TXLNB: variants seen among roughly 807,000 people sequenced by gnomAD.
The protein encoded by TXLNB is beta-taxilin.
A neutral mutation model predicts 57.4 loss-of-function variants in TXLNB; 37 were observed. The observed-to-expected ratio is 0.64, with a 90% CI of 0.50 to 0.85. The LOEUF is 0.85. Ranked by LOEUF, TXLNB falls within the 40% of genes least tolerant of loss-of-function variation. TXLNB has a pLI of 0.00. For synonymous variants in TXLNB, 302 were observed against 309.6 expected, an observed-to-expected ratio of 0.98 and a Z score of 0.26; for missense variants, 848 against 825.6, an observed-to-expected ratio of 1.03 and a Z score of -0.33.
chr6:139,228,659 C>T, the TXLNB span, among the ~76,000 whole-genome samples: 2 of 152,060 alleles, frequency 1.3e-5, no homozygotes, highest in African/African-American at 2.4e-5. Flanking sequence ...TTGATTCTAC[C>T]TGCAGGTGAT....
chr6:139,276,039 T>A lies in TXLNB; in HGVS notation c.516+791A>T, dbSNP rs546339330. Reference sequence around the variant, plus strand: ...AAACTACCTTTTATTTGCAACTACATGATTTCATGCAATTCTTCTAAACAA... The same window carrying A: ...AAACTACCTTTTATTTGCAACTACAAGATTTCATGCAATTCTTCTAAACAA... On this transcript the variant is annotated intron_variant, in intron 3 of 9. Transcript: ENST00000358430. 1.1e-4 allele frequency among the ~76,000 whole-genome samples: 17 copies of A among 152,364 alleles called. No homozygotes were observed. In the South Asian group the frequency reaches 3.3e-3, roughly 30 times the overall value.
intron 1 of TXLNB, 43 bp from the exon 2 acceptor site, chr6:139,288,956 G>C (rs1049079109): frequency 7.1e-7 from 1 of 1,411,562 alleles, no homozygotes; most frequent in African/African-American, 1.4e-5. Flanking sequence ...TAACCTACTT[G>C]CTACATATCA....
chr6:139,271,235 G>C (rs1308794244), intron 3 of TXLNB: 1 of 152,558 alleles, frequency 6.6e-6, no homozygotes, highest in Non-Finnish European at 1.5e-5. Flanking sequence ...CAAAGCATCA[G>C]AAATAGCTTC....
chr6:139,204,852 C>T, the TXLNB span, among the ~76,000 whole-genome samples: 2 of 152,100 alleles, frequency 1.3e-5, no homozygotes, highest in African/African-American at 2.4e-5. Context: ...ATTCTCCACT[C>T]CCCTTGTAAA....
At chr6:139,275,053 A>G (rs1776858793) in intron 3 of TXLNB, among the ~76,000 whole-genome samples, 1 of 152,180 alleles carries the variant, frequency 6.6e-6, no homozygotes, top group African/African-American at 2.4e-5. Context: ...GTGAGTTTCT[A>G]CTGCTCTTTT....
the TXLNB span, among the ~76,000 whole-genome samples, chr6:139,297,793 C>T: frequency 6.6e-6 from 1 of 151,890 alleles, no homozygotes; most frequent in Non-Finnish European, 1.5e-5. Context: ...TTTTCTACAC[C>T]AATAACATTT....
chr6:139,281,844 G>A (rs1173620075), intron 2 of TXLNB, among the ~76,000 whole-genome samples: 1 of 117,246 alleles, frequency 8.5e-6, no homozygotes, highest in Non-Finnish European at 1.6e-5. Flanking sequence ...CACCGCGCCC[G>A]GCCCTGGAGT....
chr6:139,312,245 G>C, the TXLNB span, among the ~76,000 whole-genome samples: 2 of 152,116 alleles, frequency 1.3e-5, no homozygotes, highest in African/African-American at 4.8e-5. Flanking sequence ...TCTTCTCCTT[G>C]AATAAGAAGA....
intron 2 of TXLNB, among the ~76,000 whole-genome samples, chr6:139,287,929 G>C (rs1188208412): frequency 6.6e-6 from 1 of 152,076 alleles, no homozygotes; most frequent in Non-Finnish European, 1.5e-5. Context: ...ATTTATCTTT[G>C]TGCACCTAGC....
In TXLNB at chr6:139,285,785, G is replaced by C. The variant is rs1023833817; in HGVS notation, c.424+2691C>G. Among the ~76,000 whole-genome samples, 5 of 145,286 alleles carry C rather than the reference G, an allele frequency of 3.4e-5. 1 individual carries two copies. Among genetic ancestry groups the C allele is most frequent in the African/African-American group, 1.3e-4 (5 of 39,458 alleles). On this transcript the variant is annotated intron_variant, in intron 2 of 9. Coordinates refer to ENST00000358430, the MANE Select transcript of TXLNB (RefSeq NM_153235.4). ...ATGTTTGACTCCTCCATACCAAGGT[G>C]TTCTGCAGCAGATATCTCCAACCCT... is the stretch of plus-strand genomic sequence containing the variant.
At chr6:139,267,482 A>G (rs1776644636) in intron 4 of TXLNB, among the ~76,000 whole-genome samples, 1 of 152,212 alleles carries the variant, frequency 6.6e-6, no homozygotes, top group Non-Finnish European at 1.5e-5. Flanking sequence ...ACTAAAGATA[A>G]TGTGTAGTGT....
Position 139,242,516 on chromosome 6 carries a change from A to G in TXLNB, c.*10T>C, listed in dbSNP as rs1775958247. On this transcript the variant is annotated 3_prime_UTR_variant, in exon 10 of 10. Coordinates refer to ENST00000358430, the MANE Select transcript of TXLNB (RefSeq NM_153235.4). ...GAGGCAGGAAGAAGCCTCTGAAGGC[A>G]CGGTGAGGCTTAGTCGACGCCTTCC... is the stretch of plus-strand genomic sequence containing the variant. The G allele has an allele frequency of 6.7e-7, 1 of 1,484,532 alleles. No homozygotes were observed. The highest frequency in any genetic ancestry group is 8.9e-7 in the Non-Finnish European group (1 of 1,118,602). 92.0% of individuals were successfully genotyped at this position (1,484,532 alleles called of 1,614,324 possible).
chr6:139,182,650 C>T, the TXLNB span, among the ~76,000 whole-genome samples: 2 of 152,256 alleles, frequency 1.3e-5, no homozygotes, highest in Admixed American at 1.3e-4. Context: ...GTGAGGTAAA[C>T]CTTACCTGCT....
At chr6:139,319,701 C>T in the TXLNB span, among the ~76,000 whole-genome samples, 3 of 151,950 alleles carry the variant, frequency 2.0e-5, no homozygotes, top group African/African-American at 7.2e-5. Context: ...GAGGTCAAAG[C>T]TACAGTGAGC....
In TXLNB at chr6:139,242,606, C is replaced by CA; in HGVS notation, c.1974_1975insT (p.Ala659CysfsTer19). ...GAGGCCCCTACTGGCAGCTCCTCTG[C>CA]TGCTGCTCGTGGGGGCTGCCTACTG... On this transcript the variant is annotated frameshift_variant, in exon 10 of 10. Coordinates refer to ENST00000358430, the MANE Select transcript of TXLNB (RefSeq NM_153235.4). LOFTEE classifies it low-confidence loss of function (END_TRUNC). The CA allele has an allele frequency of 6.3e-7, 1 of 1,583,478 alleles. No homozygotes were observed. Among genetic ancestry groups the CA allele is most frequent in the Non-Finnish European group, 8.6e-7 (1 of 1,166,088 alleles).
the TXLNB span, chr6:139,180,262 T>C: frequency 6.6e-6 from 1 of 152,378 alleles, no homozygotes; most frequent in Non-Finnish European, 1.5e-5. Context: ...TATTAGGTAT[T>C]TGAACTCTAA....
At chr6:139,304,520 G>A in the TXLNB span, among the ~76,000 whole-genome samples, 1 of 152,226 alleles carries the variant, frequency 6.6e-6, no homozygotes, top group Non-Finnish European at 1.5e-5. Flanking sequence ...GGGCTCAAGA[G>A]GTGACGAGCA....
chr6:139,237,513 A>G (rs1288901754), downstream of TXLNB: 1 of 151,636 alleles, frequency 6.6e-6, no homozygotes, highest in East Asian at 1.9e-4. Context: ...CATCTAAAAA[A>G]AAAAAAAAAA....
chr6:139,177,213 G>A, the TXLNB span: 1 of 635,906 alleles, frequency 1.6e-6, no homozygotes, highest in Non-Finnish European at 2.7e-6. The surrounding 1 kb of genome is among the most constrained non-coding windows in gnomAD (Gnocchi z 4.9). Context: ...ATTTAAAGGA[G>A]AGTTACTTTG....
Sources: gnomAD v4.1 joint callset for allele counts (sites outside exome capture counted in the v4.1 genomes callset) on GRCh38, gnomAD v4.1.1 for gene constraint, Gnocchi (gnomAD v3.1) non-coding constraint, MANE v1.5 for transcripts, NCBI Gene and HGNC (gene_info 2026-07-23, HGNC 2026-07-21) for gene names.